FRMD5: variants seen among roughly 807,000 people sequenced by gnomAD.
The protein encoded by FRMD5 is FERM domain containing 5.
Under a neutral mutation model 69.0 loss-of-function variants are expected in FRMD5, and 20 were observed. The observed-to-expected ratio is 0.29, with a 90% CI of 0.20 to 0.42. The LOEUF (loss-of-function observed/expected upper bound fraction) is 0.42. Ranked by LOEUF, FRMD5 falls within the 10% of genes least tolerant of loss-of-function variation. The pLI is 1.00. For synonymous variants in FRMD5, 271 were observed against 260.1 expected (o/e 1.04, Z -0.40); for missense variants, 595 against 708.6 (o/e 0.84, Z 1.82).
At chr15:43,989,396 G>C (rs1889558749) in intron 1 of FRMD5, 1 of 784,862 alleles carries the variant, frequency 1.3e-6, no homozygotes, top group Non-Finnish European at 2.4e-6. Context: ...AGGAAGGAAG[G>C]CTGGAAGAGC....
chr15:44,024,406 T>C (rs1368619941), intron 1 of FRMD5, among the ~76,000 whole-genome samples: 3 of 152,188 alleles, frequency 2.0e-5, no homozygotes, highest in Non-Finnish European at 4.4e-5. Flanking sequence ...GCATATCATT[T>C]TCTTTTGTAC....
intron 1 of FRMD5, among the ~76,000 whole-genome samples, chr15:44,107,002 A>G (rs908814794): frequency 6.6e-6 from 1 of 152,206 alleles, no homozygotes; most frequent in Non-Finnish European, 1.5e-5. Flanking sequence ...AATTCAAGAA[A>G]AGAAAAGTTA....
intron 1 of FRMD5, among the ~76,000 whole-genome samples, chr15:44,152,766 T>C (rs1448202699): frequency 6.6e-6 from 1 of 152,232 alleles, no homozygotes; most frequent in Non-Finnish European, 1.5e-5. Flanking sequence ...AAGTGCTTGA[T>C]GACATATTTT....
intron 1 of FRMD5, among the ~76,000 whole-genome samples, chr15:44,188,107 G>A (rs1430695558): frequency 6.6e-6 from 1 of 152,012 alleles, no homozygotes; most frequent in Non-Finnish European, 1.5e-5. Flanking sequence ...TTCCCCTAGT[G>A]CGTCAAGTTG....
At chr15:44,035,346 G>A (rs1595652842) in intron 1 of FRMD5, among the ~76,000 whole-genome samples, 1 of 152,132 alleles carries the variant, frequency 6.6e-6, no homozygotes, top group South Asian at 2.1e-4. Context: ...ACTTAGGTCT[G>A]GTCTGAGCTC....
intron 13 of FRMD5, chr15:43,876,023 A>G: frequency 8.3e-7 from 1 of 1,207,744 alleles, no homozygotes; most frequent in Non-Finnish European, 1.2e-6. Context: ...GCCTGGCTTT[A>G]TCTTCACTAT....
intron 1 of FRMD5, among the ~76,000 whole-genome samples, chr15:44,020,275 T>G (rs1310090061): frequency 6.6e-6 from 1 of 152,182 alleles, no homozygotes; most frequent in African/African-American, 2.4e-5. Context: ...GTTCATAAAG[T>G]GGTTTCAGCT....
intron 1 of FRMD5, among the ~76,000 whole-genome samples, chr15:44,139,869 A>C (rs192492852): frequency 6.2e-4 from 94 of 152,278 alleles, no homozygotes; most frequent in African/African-American, 2.2e-3. Flanking sequence ...ACAATTAATA[A>C]GGAGAGACTG....
intron 4 of FRMD5, among the ~76,000 whole-genome samples, chr15:43,913,538 T>A (rs1415019202): frequency 6.6e-6 from 1 of 152,246 alleles, no homozygotes; most frequent in Non-Finnish European, 1.5e-5. Context: ...ATATTCCACA[T>A]GACTCATAGC....
At chr15:44,104,793 C>T (rs1479079774) in intron 1 of FRMD5, among the ~76,000 whole-genome samples, 1 of 152,132 alleles carries the variant, frequency 6.6e-6, no homozygotes, top group Non-Finnish European at 1.5e-5. Flanking sequence ...AGAACATACC[C>T]TGTTGTTAAG....
At chr15:44,141,784 A>T (rs2077277347) in intron 1 of FRMD5, among the ~76,000 whole-genome samples, 2 of 152,146 alleles carry the variant, frequency 1.3e-5, no homozygotes, top group Admixed American at 1.3e-4. Context: ...ACTTCTGGTG[A>T]CACAACCTAC....
chr15:44,133,895 T>C (rs1175764351), intron 1 of FRMD5, among the ~76,000 whole-genome samples: 1 of 152,080 alleles, frequency 6.6e-6, no homozygotes, highest in African/African-American at 2.4e-5. Context: ...AAGAATCAGA[T>C]ATAAGCCAAT....
Position 44,002,205 on chromosome 15 carries a change from G to A in FRMD5, c.103-77896C>T, listed in dbSNP as rs558697602. On this transcript the variant is annotated intron_variant, in intron 1 of 13. Coordinates refer to ENST00000417257, the MANE Select transcript of FRMD5 (RefSeq NM_032892.5). ...TTCTCAAAGGCACCTGATTTTTTTA[G>A]TGGAGAGTGGCATTTAAAAACTTAC... 3.9e-5 allele frequency among the ~76,000 whole-genome samples: 6 copies of A among 152,214 alleles called. No individual in the cohort carries two copies. In the East Asian group the frequency reaches 9.6e-4, roughly 24 times the overall value.
chr15:44,178,047 G>T (rs1273558845), intron 1 of FRMD5, among the ~76,000 whole-genome samples: 1 of 152,182 alleles, frequency 6.6e-6, no homozygotes, highest in Non-Finnish European at 1.5e-5. Flanking sequence ...GGCAAGTTTT[G>T]CTGGGCACTG....
At chr15:44,044,087 A>G (rs538319585) in intron 1 of FRMD5, among the ~76,000 whole-genome samples, 1 of 152,104 alleles carries the variant, frequency 6.6e-6, no homozygotes, top group Admixed American at 6.6e-5. Flanking sequence ...AATAAAAAAA[A>G]ACCCCATCAA....
intron 1 of FRMD5, among the ~76,000 whole-genome samples, chr15:43,942,236 A>C (rs2089875270): frequency 6.6e-6 from 1 of 152,218 alleles, no homozygotes; most frequent in Non-Finnish European, 1.5e-5. Context: ...ATTCATAATT[A>C]AAGAATGTAT....
intron 1 of FRMD5, among the ~76,000 whole-genome samples, chr15:44,051,788 C>T (rs1460887690): frequency 6.6e-6 from 1 of 151,950 alleles, no homozygotes; most frequent in Non-Finnish European, 1.5e-5. Context: ...TGATGTTTTC[C>T]TCATGATTAA....
At chr15:44,014,394 A>G (rs1398987164) in intron 1 of FRMD5, among the ~76,000 whole-genome samples, 2 of 152,196 alleles carry the variant, frequency 1.3e-5, no homozygotes, top group African/African-American at 4.8e-5. Flanking sequence ...ATGAGATGTC[A>G]GACTAGGTAC....
chr15:44,081,273 G>C (rs1364179235), intron 1 of FRMD5, among the ~76,000 whole-genome samples: 1 of 151,958 alleles, frequency 6.6e-6, no homozygotes, highest in Non-Finnish European at 1.5e-5. Context: ...GATTAGTTTT[G>C]AACAGCTTGT....
Sources: allele counts gnomAD v4.1 joint callset (sites outside exome capture counted in the v4.1 genomes callset), GRCh38; gene constraint gnomAD v4.1.1; transcripts MANE v1.5; gene names NCBI Gene and HGNC (gene_info 2026-07-23, HGNC 2026-07-21).